Variants in HLCS observed in about 807,000 individuals in gnomAD.
The protein encoded by HLCS is holocarboxylase synthetase, also known as biotin--protein ligase.
HLCS carries 53 observed loss-of-function variants against 75.0 expected under a neutral mutation model. The ratio of observed to expected loss-of-function variants is 0.71; its 90% confidence interval spans 0.57 to 0.89. The LOEUF (loss-of-function observed/expected upper bound fraction) is 0.89, where lower values mean the gene tolerates loss of function less well. HLCS is among the 40% of genes least tolerant of loss of function. The probability of loss-of-function intolerance (pLI) is 0.00; values close to 1 mark genes in which losing one functional copy is unlikely to be tolerated. For missense variants in HLCS, 966 were observed against 1,074.0 expected, an observed-to-expected ratio of 0.90 and a Z score of 1.41; for synonymous variants, 431 against 428.6, an observed-to-expected ratio of 1.01 and a Z score of -0.07.
At chr21:36,792,325 T>G (rs1569016454) in intron 6 of HLCS, among the ~76,000 whole-genome samples, 1 of 152,066 alleles carries the variant, frequency 6.6e-6, no homozygotes, top group Non-Finnish European at 1.5e-5. Context: ...GCCATCTGTG[T>G]GTCACTGTTA....
chr21:36,951,209 G>A (rs1412343740), intron 2 of HLCS, among the ~76,000 whole-genome samples: 1 of 152,164 alleles, frequency 6.6e-6, no homozygotes, highest in African/African-American at 2.4e-5. Context: ...CCATGTTCTT[G>A]GAAGCTACCA....
intron 6 of HLCS, among the ~76,000 whole-genome samples, chr21:36,824,538 G>A (rs1290834136): frequency 6.6e-6 from 1 of 152,162 alleles, no homozygotes; most frequent in East Asian, 1.9e-4. Flanking sequence ...AAACCACCAT[G>A]ACACACATTT....
chr21:36,834,129 C>T (rs1271799307), intron 6 of HLCS, among the ~76,000 whole-genome samples: 7 of 152,340 alleles, frequency 4.6e-5, no homozygotes, highest in African/African-American at 1.4e-4. Flanking sequence ...CGGACTTTGG[C>T]GTACGCCGGG....
chr21:36,911,502 T>G (rs1217466030), intron 5 of HLCS, among the ~76,000 whole-genome samples: 1 of 151,920 alleles, frequency 6.6e-6, no homozygotes. Flanking sequence ...CTCAGCACTT[T>G]GGGAGGCTGA....
chr21:36,828,691 A>G (rs1008790430), intron 6 of HLCS, among the ~76,000 whole-genome samples: 1 of 152,222 alleles, frequency 6.6e-6, no homozygotes, highest in Non-Finnish European at 1.5e-5. Flanking sequence ...ATTGATCCCT[A>G]GCATAAAAGT....
intron 6 of HLCS, among the ~76,000 whole-genome samples, chr21:36,776,140 A>G (rs2060350926): frequency 6.6e-6 from 1 of 152,246 alleles, no homozygotes; most frequent in Non-Finnish European, 1.5e-5. Context: ...CTTCGAAATA[A>G]TATCAGACTT....
chr21:36,911,028 A>G (rs2065682717), intron 5 of HLCS, among the ~76,000 whole-genome samples: 1 of 152,242 alleles, frequency 6.6e-6, no homozygotes, highest in Non-Finnish European at 1.5e-5. Flanking sequence ...CCCTCGGGCC[A>G]AAATGAATCT....
intron 6 of HLCS, among the ~76,000 whole-genome samples, chr21:36,862,131 C>T (rs75099542): frequency 0.014 from 2,193 of 152,338 alleles, 26 homozygotes; most frequent in Non-Finnish European, 0.02. Flanking sequence ...GTACTGCATT[C>T]CTTTTTATGG....
At chr21:36,943,810 C>T (rs765068759) in intron 2 of HLCS, 1 of 107,666 alleles carries the variant, frequency 9.3e-6, no homozygotes, top group African/African-American at 3.8e-5. Context: ...CAGAGTGAGA[C>T]CCTGTCTAAA....
chr21:36,968,696 G>A (rs576087032), upstream of HLCS: 1 of 152,312 alleles, frequency 6.6e-6, no homozygotes, highest in East Asian at 1.9e-4. Flanking sequence ...ATTTGAAGAT[G>A]AAAAGTGCTC....
chr21:36,974,578 G>C (rs929152122), intron 1 of HLCS: 2 of 152,184 alleles, frequency 1.3e-5, no homozygotes, highest in Non-Finnish European at 2.9e-5. Flanking sequence ...TAGTCATTAA[G>C]GTAAAATGAG....
intron 1 of HLCS, among the ~76,000 whole-genome samples, chr21:36,973,042 C>G (rs930771994): frequency 2.7e-5 from 4 of 147,732 alleles, no homozygotes; most frequent in African/African-American, 9.8e-5. Flanking sequence ...ACAGGGAAAC[C>G]CCATCTCTAT....
chr21:36,772,947 C>T (rs1349199130), intron 6 of HLCS, among the ~76,000 whole-genome samples: 2 of 146,572 alleles, frequency 1.4e-5, no homozygotes, highest in Admixed American at 1.4e-4. Context: ...TCCCACTGCA[C>T]TCCAGCCAGG....
intron 10 of HLCS, 39 bp downstream of exon 10, chr21:36,756,503 T>C (rs1409527993): frequency 1.0e-5 from 6 of 576,448 alleles, no homozygotes; most frequent in Non-Finnish European, 1.6e-5. Flanking sequence ...AAGATACTAA[T>C]AAAGGAGTTG....
In HLCS at chr21:36,905,274, G is replaced by C. The variant is rs562978207; in HGVS notation, c.1621-8143C>G. ...AAATGCACATTAAAACCTTACCAAG[G>C]AAAACTCTCCAAATAACAGATAGAT... On this transcript the variant is annotated intron_variant, in intron 5 of 10. Transcript: ENST00000674895. Among the ~76,000 whole-genome samples the C allele has an allele frequency of 2.0e-5, 3 of 152,162 alleles. 1 individual carries two copies. The South Asian group carries it at 6.2e-4, about 32-fold the overall frequency.
chr21:36,971,737 G>A (rs552911140), intron 1 of HLCS: 14 of 151,074 alleles, frequency 9.3e-5, no homozygotes, highest in African/African-American at 2.4e-4. Context: ...GCTGAGCCAG[G>A]AGAATCACTT....
chr21:36,970,604 AGCAATCTACCC>A (rs895733483), upstream of HLCS, among the ~76,000 whole-genome samples: 8 of 152,096 alleles, frequency 5.3e-5, no homozygotes. Flanking sequence ...CCTGGATTCA[AGCAATCTACCC>A]GCCTCGGCCT....
chr21:36,843,951 T>A (rs1388922639), intron 6 of HLCS, among the ~76,000 whole-genome samples: 1 of 152,182 alleles, frequency 6.6e-6, no homozygotes, highest in East Asian at 1.9e-4. Flanking sequence ...GAGGCTGCAG[T>A]GAGCCATGAT....
intron 6 of HLCS, among the ~76,000 whole-genome samples, chr21:36,805,562 C>T (rs2061337301): frequency 6.6e-6 from 1 of 152,210 alleles, no homozygotes; most frequent in Non-Finnish European, 1.5e-5. Flanking sequence ...ACCACTGCAC[C>T]TCGCTCAGAA....
Sources: gnomAD v4.1 joint callset for allele counts (sites outside exome capture counted in the v4.1 genomes callset) on GRCh38, gnomAD v4.1.1 for gene constraint, MANE v1.5 for transcripts, NCBI Gene and HGNC (gene_info 2026-07-23, HGNC 2026-07-21) for gene names.